Variants in PEX1 observed in about 807,000 individuals in gnomAD.
The protein encoded by PEX1 is peroxisomal ATPase PEX1.
In PEX1, 97 loss-of-function variants were observed where a neutral mutation model predicts 152.5. The ratio of observed to expected loss-of-function variants is 0.64; its 90% CI spans 0.54 to 0.75. The LOEUF is 0.75. Among genes scored for constraint, PEX1 ranks in the 30% least tolerant of loss-of-function variants. The probability of loss-of-function intolerance (pLI) is 0.00; values close to 1 mark genes in which losing one functional copy is unlikely to be tolerated. For synonymous variants in PEX1, 485 were observed against 531.6 expected, an observed-to-expected ratio of 0.91 and a Z score of 1.21; for missense variants, 1,357 against 1,516.3, an observed-to-expected ratio of 0.89 and a Z score of 1.74.
intron 23 of PEX1, among the ~76,000 whole-genome samples, chr7:92,488,924 G>GAA (rs1040258248): frequency 1.3e-5 from 2 of 152,058 alleles, no homozygotes; most frequent in African/African-American, 4.8e-5. Context: ...AGTAGAGATG[G>GAA]GGTTTCCCCG....
chr7:92,511,388 G>T (rs1438224026), intron 7 of PEX1, among the ~76,000 whole-genome samples, 192 bp downstream of exon 7: 3 of 152,188 alleles, frequency 2.0e-5, no homozygotes, highest in Non-Finnish European at 4.4e-5. Flanking sequence ...GCCTCCCAAA[G>T]TGCTGGGATT....
chr7:92,520,405 A>G (rs1438841882), intron 2 of PEX1, among the ~76,000 whole-genome samples: 1 of 152,224 alleles, frequency 6.6e-6, no homozygotes, highest in Non-Finnish European at 1.5e-5. Context: ...TCTCATGAGT[A>G]GCCTATTCTC....
At position 92,494,624 on chromosome 7, in the gene PEX1, T is replaced by C. The variant is rs201376737; in HGVS notation, c.2789A>G (p.Gln930Arg). Residue 930 changes from glutamine (Q) to arginine (R), a missense_variant, in exon 18 of 24, where the codon CAG becomes CGG. Transcript: ENST00000248633. ...GAAAAGAATGCAGGGCTTTGCAGCC[T>C]GTGCTCTGGGAAAAACAAACAACAT... ...QAVRDIFIRA[Q>R]AAKPCILFFD... 69 of 1,613,838 alleles carry C rather than the reference T, an allele frequency of 4.3e-5. 1 individual carries two copies. Among genetic ancestry groups the C allele is most frequent in the Non-Finnish European group, 4.3e-5 (51 of 1,179,896 alleles).
At position 92,487,320 on chromosome 7, in the gene PEX1, T is replaced by G; in HGVS notation, c.*137A>C. 1 of 583,708 alleles carries G rather than the reference T, an allele frequency of 1.7e-6. No homozygotes were observed. Among genetic ancestry groups the G allele is most frequent in the Non-Finnish European group, 3.0e-6 (1 of 328,794 alleles). 36.2% of individuals were successfully genotyped at this position (583,708 alleles called of 1,614,324 possible). A position where few individuals can be genotyped will look rare whatever the true frequency, so the allele number is the denominator to read the frequency against. ...CCTGATCATTACATAATTATAGCAT[T>G]TACCAATCTGTGATTTTATAAATTA... On this transcript the variant is annotated 3_prime_UTR_variant, in exon 24 of 24. Transcript: ENST00000248633.
intron 6 of PEX1, among the ~76,000 whole-genome samples, chr7:92,513,492 T>C (rs1167852426): frequency 6.6e-6 from 1 of 152,098 alleles, no homozygotes; most frequent in Non-Finnish European, 1.5e-5. Flanking sequence ...ATGAAATATC[T>C]AGAATAAGTA....
At chr7:92,505,040 T>C (rs1792121134) in intron 11 of PEX1, 138 bp from the exon 12 acceptor site, 1 of 674,860 alleles carries the variant, frequency 1.5e-6, no homozygotes, top group South Asian at 1.7e-5. Context: ...AATATACCCA[T>C]CACAAAAACT....
chr7:92,490,835 C>T (rs1249110538), intron 21 of PEX1, among the ~76,000 whole-genome samples: 2 of 152,118 alleles, frequency 1.3e-5, no homozygotes, highest in Admixed American at 6.6e-5. Flanking sequence ...CCTGTTGAAA[C>T]ATTATCAGTA....
intron 12 of PEX1, 35 bp downstream of exon 12, chr7:92,504,692 CAAAAG>C: frequency 6.3e-7 from 1 of 1,598,878 alleles, no homozygotes; most frequent in Non-Finnish European, 8.6e-7. Flanking sequence ...TGCTGACTGA[CAAAAG>C]AACAAGACCT....
In PEX1 at chr7:92,517,804, A is replaced by T. The variant is rs758443247; in HGVS notation, c.711T>A (p.Val237=). 5.1e-6 allele frequency: 8 copies of T among 1,556,298 alleles called. No individual in the cohort carries two copies. The highest frequency in any genetic ancestry group is 6.1e-6 in the Non-Finnish European group (7 of 1,156,016). ...ATAAACTTGCTACTGATGATGAGTCAACTGGAATCTCTGACTCGTTTTCAT... is the reference window on the plus strand; with the variant it reads ...ATAAACTTGCTACTGATGATGAGTCTACTGGAATCTCTGACTCGTTTTCAT... ...ESNENESEIP[V]DSSSVASLWT... The change falls in exon 5 of 24, where the codon GTT becomes GTA. Residue 237 remains valine, a synonymous_variant. Transcript: ENST00000248633.
chr7:92,520,297 C>A (rs1309490725), intron 2 of PEX1, among the ~76,000 whole-genome samples: 1 of 152,066 alleles, frequency 6.6e-6, no homozygotes, highest in Non-Finnish European at 1.5e-5. Flanking sequence ...GAACAAAGCA[C>A]CAAAGTTAAT....
chr7:92,509,188 A>G, intron 9 of PEX1, 141 bp downstream of exon 9: 5 of 670,526 alleles, frequency 7.5e-6, no homozygotes, highest in Non-Finnish European at 1.3e-5. Context: ...AGATAGAGAC[A>G]ATCCTTGAAA....
Position 92,487,477 on chromosome 7 carries a change from G to T in PEX1, c.3832C>A (p.Gln1278Lys), listed in dbSNP as rs750722718. 6.3e-7 allele frequency: 1 copy of T among 1,587,624 alleles called. No individual in the cohort carries two copies. ...ATATTTTATGCTAAAGTTACTTTCT[G>T]TCCAGGTCGAAACATTGTTCCACTT... ...NQSGTMFRPG[Q>K]KVTLA Residue 1278 changes from glutamine (Q) to lysine (K), a missense_variant, in exon 24 of 24, where the codon CAG becomes AAG. By Grantham distance (53) the Gln-to-Lys change is moderately conservative (BLOSUM62 1). Transcript: ENST00000248633.
rs149806989 is a variant in PEX1, at chr7:92,517,968, G to A, written c.547C>T (p.Arg183Ter). ...TKLLIQPKTRRAKENTFSKAD... is the reference protein window; with the variant it reads ...TKLLIQPKTR ...TTTGAAAATGTATTCTCTTTGGCTC[G>A]GCGTGTCTTTGGCTGAATAAGGAGT... Residue 183 changes from arginine (R) to a stop codon, truncating the protein, a stop_gained, in exon 5 of 24, where the codon CGA becomes TGA. Coordinates refer to ENST00000248633, the MANE Select transcript of PEX1 (RefSeq NM_000466.3). LOFTEE classifies it high-confidence loss of function. 3.1e-6 allele frequency: 5 copies of A among 1,611,718 alleles called. No individual in the cohort carries two copies. Among genetic ancestry groups the A allele is most frequent in the South Asian group, 2.2e-5 (2 of 90,712 alleles).
chr7:92,506,964 C>T, intron 10 of PEX1, 30 bp downstream of exon 10: 1 of 1,610,734 alleles, frequency 6.2e-7, no homozygotes, highest in African/African-American at 1.3e-5. Flanking sequence ...TTAAATGTTA[C>T]AGAAAAATGA....
intron 1 of PEX1, among the ~76,000 whole-genome samples, chr7:92,525,355 A>G (rs1793218098): frequency 1.3e-5 from 2 of 152,256 alleles, no homozygotes; most frequent in South Asian, 2.1e-4. Context: ...TCCAAAGCCT[A>G]GGGTATCTCT....
Position 92,501,563 on chromosome 7 carries a change from C to T in PEX1, c.2527G>A (p.Gly843Ser). ...ATCTGCCTAACTTCATGTAACCCAC[C>T]AATCTTGTCCCAACCCAGGTCTCTA... The part of the protein sequence containing the change: ...KPRDLGWDKI[G>S]GLHEVRQILM... The change falls in exon 15 of 24, where the codon GGT becomes AGT. Residue 843 changes from glycine to serine, a missense_variant. Coordinates refer to ENST00000248633, the MANE Select transcript of PEX1 (RefSeq NM_000466.3). 1 of 1,613,896 alleles carries T rather than the reference C, an allele frequency of 6.2e-7. No homozygotes were observed. Among genetic ancestry groups the T allele is most frequent in the South Asian group, 1.1e-5 (1 of 91,076 alleles).
intron 9 of PEX1, among the ~76,000 whole-genome samples, chr7:92,508,537 C>CAA (rs374327161): frequency 8.4e-6 from 1 of 119,142 alleles, no homozygotes; most frequent in African/African-American, 3.1e-5. Flanking sequence ...GAGTCCATCT[C>CAA]AAAAAAAAAA....
chr7:92,519,265 C>T (rs1792948554), intron 2 of PEX1, among the ~76,000 whole-genome samples, 187 bp from the exon 3 acceptor site: 1 of 151,898 alleles, frequency 6.6e-6, no homozygotes, highest in African/African-American at 2.4e-5. Flanking sequence ...GGCTCTGTCA[C>T]CCATTCTGGA....
At chr7:92,524,446 T>C (rs1452728607) in intron 1 of PEX1, among the ~76,000 whole-genome samples, 1 of 151,716 alleles carries the variant, frequency 6.6e-6, no homozygotes. Flanking sequence ...TTTGTATTTT[T>C]AGTAGAGATG....
Sources: gnomAD v4.1 joint callset for allele counts (sites outside exome capture counted in the v4.1 genomes callset) on GRCh38, gnomAD v4.1.1 for gene constraint, MANE v1.5 for transcripts, NCBI Gene and HGNC (gene_info 2026-07-23, HGNC 2026-07-21) for gene names.